The following TIMM23 variants were observed in gnomAD, a reference collection of about 807,000 sequenced individuals.
TIMM23 encodes mitochondrial import inner membrane translocase subunit Tim23.
In TIMM23, 19 loss-of-function variants were observed where a neutral mutation model predicts 30.7. That is an observed-to-expected ratio of 0.62 (90% CI 0.43 to 0.91). The LOEUF (loss-of-function observed/expected upper bound fraction) is 0.91, where lower values mean the gene tolerates loss of function less well. Ranked by LOEUF, TIMM23 falls within the 40% of genes least tolerant of loss-of-function variation. The pLI is 0.00. For missense variants in TIMM23, 202 were observed against 269.2 expected (o/e 0.75, Z 1.75); for synonymous variants, 78 against 98.5 (o/e 0.79, Z 1.23).
Position 45,972,523 on chromosome 10 carries a change from C to G in TIMM23, c.-102C>G, listed in dbSNP as rs879964246. ...CCGGAAGGTCAGCGTGTGAAGTAGG[C>G]GCTGGCAACGCGGGGTTACCCGCTG... On this transcript the variant is annotated 5_prime_UTR_variant, in exon 1 of 7. Transcript: ENST00000580018. 5.1e-5 allele frequency: 75 copies of G among 1,470,048 alleles called. No homozygotes were observed. The South Asian group carries it at 9.1e-4, about 18-fold the overall frequency. 91.1% of individuals were successfully genotyped at this position (1,470,048 alleles called of 1,614,324 possible). A position where few individuals can be genotyped will look rare whatever the true frequency, so the allele number is the denominator to read the frequency against.
intron 6 of TIMM23, among the ~76,000 whole-genome samples, chr10:46,002,760 T>C (rs2132291005): frequency 6.6e-6 from 1 of 152,164 alleles, no homozygotes; most frequent in South Asian, 2.1e-4. Flanking sequence ...TGTCTCCTTT[T>C]TGAGATGGAA....
chr10:46,003,588 A>C lies in TIMM23; in HGVS notation c.*270A>C. 1 of 285,206 alleles carries C rather than the reference A, an allele frequency of 3.5e-6. No individual in the cohort carries two copies. Among genetic ancestry groups the C allele is most frequent in the Non-Finnish European group, 6.7e-6 (1 of 149,280 alleles). 17.7% of individuals were successfully genotyped at this position (285,206 alleles called of 1,614,324 possible). On this transcript the variant is annotated 3_prime_UTR_variant, in exon 7 of 7. Coordinates refer to ENST00000580018, the MANE Select transcript of TIMM23 (RefSeq NM_006327.4). Reference sequence around the variant, plus strand: ...TTGCACGTATCTGTTTTCCTCCCCCATGAACTAGAAAACCACTTACTCCCA... The same window carrying C: ...TTGCACGTATCTGTTTTCCTCCCCCCTGAACTAGAAAACCACTTACTCCCA...
In TIMM23 at chr10:45,975,483, T is replaced by C; in HGVS notation, c.136T>C (p.Leu46=). 1 of 1,613,986 alleles carries C rather than the reference T, an allele frequency of 6.2e-7. No homozygotes were observed. The change falls in exon 2 of 7, where the codon TTA becomes CTA. Residue 46 remains leucine (L), a synonymous_variant. Transcript: ENST00000580018. Reference sequence around the variant, plus strand: ...TGGTATGAACCCTCTGTCTCCTTATTTAAATGTGGATCCACGATACCTCGT... The same window carrying C: ...TGGTATGAACCCTCTGTCTCCTTATCTAAATGTGGATCCACGATACCTCGT... ...LTGMNPLSPY[L]NVDPRYLVQD... is the part of the protein sequence containing the mutation.
intron 6 of TIMM23, among the ~76,000 whole-genome samples, chr10:45,992,052 G>A (rs1335984289): frequency 6.6e-6 from 1 of 151,394 alleles, no homozygotes; most frequent in East Asian, 1.9e-4. Flanking sequence ...CTACAGCCTT[G>A]AACTCCTGGG....
At chr10:46,000,825 A>G (rs1838507230) in intron 6 of TIMM23, among the ~76,000 whole-genome samples, 1 of 152,218 alleles carries the variant, frequency 6.6e-6, no homozygotes, top group South Asian at 2.1e-4. Flanking sequence ...AGTGTCTGCA[A>G]AAGTATTGTG....
intron 4 of TIMM23, 29 bp from the exon 5 acceptor site, chr10:45,985,354 A>G: frequency 1.9e-6 from 3 of 1,612,630 alleles, no homozygotes; most frequent in Non-Finnish European, 2.5e-6. Flanking sequence ...GATTCTAAAT[A>G]CAGATTCTTT....
intron 6 of TIMM23, among the ~76,000 whole-genome samples, chr10:45,993,533 G>A (rs1162471884): frequency 2.0e-5 from 3 of 151,894 alleles, no homozygotes; most frequent in Admixed American, 6.6e-5. Flanking sequence ...CAGCCTGGGC[G>A]ATAGAGCGAG....
chr10:45,991,073 A>G (rs1250099975), intron 6 of TIMM23, among the ~76,000 whole-genome samples: 1 of 152,200 alleles, frequency 6.6e-6, no homozygotes, highest in Non-Finnish European at 1.5e-5. Flanking sequence ...CACCAAACCA[A>G]ATTACCTCCA....
chr10:45,993,510 C>T (rs1333117554), intron 6 of TIMM23, among the ~76,000 whole-genome samples: 1 of 151,828 alleles, frequency 6.6e-6, no homozygotes, highest in Admixed American at 6.6e-5. Context: ...GCAGAGATCG[C>T]GCCACTGAAT....
At chr10:45,986,195 G>A (rs1401334560) in intron 5 of TIMM23, among the ~76,000 whole-genome samples, 2 of 152,142 alleles carry the variant, frequency 1.3e-5, no homozygotes, top group Non-Finnish European at 2.9e-5. Context: ...ACAGAATTTG[G>A]AAGCAGTACA....
intron 6 of TIMM23, among the ~76,000 whole-genome samples, chr10:45,997,846 A>G (rs1381810098): frequency 3.3e-5 from 5 of 152,234 alleles, no homozygotes; most frequent in Admixed American, 6.5e-5. Flanking sequence ...GTAATAGCAC[A>G]GCCGTGTGAA....
intron 6 of TIMM23, among the ~76,000 whole-genome samples, chr10:46,000,110 C>T (rs962194375): frequency 2.0e-5 from 3 of 152,052 alleles, no homozygotes; most frequent in African/African-American, 7.2e-5. Context: ...ACAATTTGTG[C>T]GGTTAACGCA....
intron 6 of TIMM23, chr10:46,002,276 A>G (rs1227961677): frequency 6.6e-6 from 1 of 152,086 alleles, no homozygotes; most frequent in Non-Finnish European, 1.5e-5. Context: ...CCTGGGCTCA[A>G]GCGATCCTCC....
chr10:45,979,249 C>A (rs1399028654), intron 2 of TIMM23, among the ~76,000 whole-genome samples: 1 of 152,178 alleles, frequency 6.6e-6, no homozygotes, highest in Non-Finnish European at 1.5e-5. Flanking sequence ...GAATTGTACG[C>A]TCTAAGTAAG....
chr10:45,985,309 C>G (rs1837962301), intron 4 of TIMM23, 74 bp from the exon 5 acceptor site: 1 of 1,584,682 alleles, frequency 6.3e-7, no homozygotes, highest in South Asian at 1.1e-5. Context: ...TGTTAAATAG[C>G]CATTATTGTT....
At chr10:45,994,422 T>A (rs1285284129) in intron 6 of TIMM23, among the ~76,000 whole-genome samples, 5 of 138,932 alleles carry the variant, frequency 3.6e-5, no homozygotes, top group Admixed American at 3.0e-4. Context: ...TCATGATCTT[T>A]CTATTAAAAT....
intron 6 of TIMM23, among the ~76,000 whole-genome samples, chr10:45,997,702 G>A (rs1039947784): frequency 2.6e-5 from 4 of 152,226 alleles, no homozygotes; most frequent in South Asian, 2.1e-4. Flanking sequence ...CTACTTAGGA[G>A]GTTGTTGTGG....
At chr10:45,999,851 AG>A (rs1211443913) in intron 6 of TIMM23, among the ~76,000 whole-genome samples, 4 of 152,144 alleles carry the variant, frequency 2.6e-5, no homozygotes, top group Non-Finnish European at 5.9e-5. Context: ...GGCCACACCC[AG>A]GGGGGCCATC....
At position 46,003,230 on chromosome 10, in the gene TIMM23, G is replaced by A; in HGVS notation, c.542G>A (p.Gly181Asp). 1 of 1,614,088 alleles carries A rather than the reference G, an allele frequency of 6.2e-7. No homozygotes were observed. The highest frequency in any genetic ancestry group is 8.5e-7 in the Non-Finnish European group (1 of 1,179,998). Residue 181 changes from glycine to aspartate, a missense_variant, in exon 7 of 7, where the codon GGT becomes GAT. Gly to Asp is a moderately conservative substitution (Grantham distance 94, BLOSUM62 -1). Transcript: ENST00000580018. ...TGGLRGIARG[G>D]LTGLTLTSLY... is the part of the protein sequence containing the mutation. ...GGTCTTCGAGGGATAGCACGAGGTG[G>A]TCTGACAGGACTAACACTTACCAGC...
Sources: allele counts gnomAD v4.1 joint callset (sites outside exome capture counted in the v4.1 genomes callset), GRCh38; gene constraint gnomAD v4.1.1; transcripts MANE v1.5; gene names NCBI Gene and HGNC (gene_info 2026-07-23, HGNC 2026-07-21).